KLHL13: variants seen among roughly 807,000 people sequenced by gnomAD.
The protein encoded by KLHL13 is kelch-like protein 13.
A neutral mutation model predicts 37.1 loss-of-function variants in KLHL13; 10 were observed. The observed-to-expected ratio is 0.27, with a 90% CI of 0.17 to 0.46. The LOEUF (loss-of-function observed/expected upper bound fraction) is 0.46. KLHL13 is among the 20% of genes least tolerant of loss of function. The pLI, the probability that KLHL13 is intolerant of heterozygous loss-of-function variation, is 1.00. For missense variants in KLHL13, 360 were observed against 509.3 expected (o/e 0.71, Z 2.82); for synonymous variants, 163 against 181.2 (o/e 0.90, Z 0.81).
At chrX:117,908,629 T>TTA (rs1322208467) in intron 5 of KLHL13, among the ~76,000 whole-genome samples, 2 of 111,929 alleles carry the variant, frequency 1.8e-5, no homozygotes, top group Admixed American at 1.9e-4. Context: ...ATAGCCAAAG[T>TTA]ATTCTACATC....
At chrX:117,973,822 C>A (rs1371852385), upstream of KLHL13, 21 of 579,311 alleles carry the variant, frequency 3.6e-5, no homozygotes, top group Admixed American at 1.7e-3. Flanking sequence ...GTTCACCACC[C>A]CCCCCACTCC....
intron 1 of KLHL13, among the ~76,000 whole-genome samples, chrX:118,036,619 A>G (rs967167444): frequency 8.9e-6 from 1 of 112,168 alleles, no homozygotes; most frequent in Admixed American, 9.5e-5. Flanking sequence ...CTTAAATGTT[A>G]GACCCAAAAC....
chrX:118,072,912 A>G (rs976823960), intron 1 of KLHL13, among the ~76,000 whole-genome samples: 1 of 110,473 alleles, frequency 9.1e-6, no homozygotes, highest in African/African-American at 3.3e-5. Context: ...TGGGAAACAC[A>G]GTGAGACCCC....
At chrX:117,950,393 G>T (rs1272789142) in intron 1 of KLHL13, among the ~76,000 whole-genome samples, 3 of 111,633 alleles carry the variant, frequency 2.7e-5, no homozygotes, top group Non-Finnish European at 5.7e-5. Context: ...CTTGAACCTG[G>T]GGGGCGGAGG....
chrX:117,908,083 T>C (rs1424840457), intron 5 of KLHL13, among the ~76,000 whole-genome samples: 1 of 104,360 alleles, frequency 9.6e-6, no homozygotes, highest in Non-Finnish European at 2.0e-5. Flanking sequence ...ATTTATTTAT[T>C]TATTTATTTA....
intron 2 of KLHL13, among the ~76,000 whole-genome samples, chrX:117,932,725 T>C (rs972457561): frequency 2.7e-5 from 3 of 112,308 alleles, no homozygotes; most frequent in African/African-American, 6.5e-5. Context: ...TTTGGATATA[T>C]ACCCAGTAAT....
intron 1 of KLHL13, among the ~76,000 whole-genome samples, chrX:118,113,233 C>T (rs900942373): frequency 1.8e-5 from 2 of 111,923 alleles, no homozygotes; most frequent in Non-Finnish European, 3.8e-5. Context: ...GCATACTGAT[C>T]ATAGAGTTTT....
chrX:118,057,546 G>A (rs748492805), intron 1 of KLHL13, among the ~76,000 whole-genome samples: 14 of 112,036 alleles, frequency 1.2e-4, no homozygotes, highest in Non-Finnish European at 2.1e-4. Context: ...AATCGGCCGG[G>A]GCCGTGGCTC....
chrX:118,016,677 A>G (rs969109366), intron 1 of KLHL13, among the ~76,000 whole-genome samples: 5 of 111,728 alleles, frequency 4.5e-5, no homozygotes, highest in Non-Finnish European at 7.5e-5. Flanking sequence ...ACCAAACATG[A>G]TAAAATTCAT....
intron 5 of KLHL13, 63 bp downstream of exon 6, chrX:117,909,238 A>T: frequency 1.1e-6 from 1 of 933,585 alleles, no homozygotes; most frequent in East Asian, 3.1e-5. Flanking sequence ...TGCTTATTTT[A>T]TGATTTGATA....
intron 2 of KLHL13, among the ~76,000 whole-genome samples, chrX:117,930,332 G>A (rs1040218132): frequency 1.8e-4 from 19 of 107,726 alleles, no homozygotes; most frequent in African/African-American, 6.5e-4. Context: ...AAGGCAGGAA[G>A]GCAGGAAGGC....
At chrX:117,982,589 C>A (rs899296627) in intron 1 of KLHL13, among the ~76,000 whole-genome samples, 3 of 111,735 alleles carry the variant, frequency 2.7e-5, no homozygotes, top group Non-Finnish European at 3.8e-5. Context: ...AAGAAAAGTT[C>A]TTTACCTTTA....
At chrX:117,982,841 C>T (rs2053678712) in intron 1 of KLHL13, among the ~76,000 whole-genome samples, 1 of 111,492 alleles carries the variant, frequency 9.0e-6, no homozygotes, top group Admixed American at 9.5e-5. Flanking sequence ...CCTGCCTTAG[C>T]ATATGAACAC....
intron 1 of KLHL13, among the ~76,000 whole-genome samples, chrX:117,950,444 G>A (rs1933531449): frequency 9.0e-6 from 1 of 111,566 alleles, no homozygotes; most frequent in Admixed American, 9.5e-5. Flanking sequence ...TCCAGCCTGG[G>A]TGAAAGAGTG....
chrX:118,111,901 AAAAAAG>A (rs921305843), intron 1 of KLHL13, among the ~76,000 whole-genome samples: 7 of 112,071 alleles, frequency 6.2e-5, no homozygotes, highest in East Asian at 5.6e-4. Context: ...CTCCGTCTAA[AAAAAAG>A]AAAAAGAAAA....
At chrX:118,102,861 TG>T (rs34980444) in intron 1 of KLHL13, among the ~76,000 whole-genome samples, 2,627 of 111,940 alleles carry the variant, frequency 0.023, 87 homozygotes, top group African/African-American at 0.08. Context: ...ATGAGTATAA[TG>T]TAATGGGTTC....
intron 1 of KLHL13, among the ~76,000 whole-genome samples, chrX:118,114,301 T>G (rs2055443674): frequency 8.9e-6 from 1 of 112,309 alleles, no homozygotes; most frequent in African/African-American, 3.2e-5. Context: ...CAGTTACATT[T>G]AGTAATATCA....
At chrX:118,005,514 TA>T (rs1173295270) in intron 1 of KLHL13, among the ~76,000 whole-genome samples, 1 of 111,541 alleles carries the variant, frequency 9.0e-6, no homozygotes, top group Non-Finnish European at 1.9e-5. Context: ...GTGATTAAGT[TA>T]AAGACTGTGA....
At chrX:117,947,464 G>C (rs1363429611) in intron 1 of KLHL13, 2 of 111,803 alleles carry the variant, frequency 1.8e-5, no homozygotes, top group Non-Finnish European at 3.8e-5. Context: ...AAAGGGATAG[G>C]AGTAAAGCTG....
Sources: gnomAD v4.1 joint callset for allele counts (sites outside exome capture counted in the v4.1 genomes callset) on GRCh38, gnomAD v4.1.1 for gene constraint, MANE v1.5 for transcripts, NCBI Gene and HGNC (gene_info 2026-07-23, HGNC 2026-07-21) for gene names.